REDIC1: variants seen among roughly 807,000 people sequenced by gnomAD.
REDIC1 encodes the protein HEI10 Interacting Protein 1.
At chr12:39,750,631 T>C in the REDIC1 span, among the ~76,000 whole-genome samples, 1 of 152,186 alleles carries the variant, frequency 6.6e-6, no homozygotes, top group Non-Finnish European at 1.5e-5. Flanking sequence ...AGAACAAAGC[T>C]GGAGGCATCA....
chr12:39,714,843 C>T, the REDIC1 span, among the ~76,000 whole-genome samples: 5 of 151,660 alleles, frequency 3.3e-5, no homozygotes, highest in Non-Finnish European at 5.9e-5. Flanking sequence ...CATGTGTTTG[C>T]TGGCCATTGG....
the REDIC1 span, chr12:39,764,967 C>T: frequency 3.2e-5 from 40 of 1,252,740 alleles, no homozygotes; most frequent in Non-Finnish European, 4.3e-5. Context: ...TCTTAAGAGT[C>T]CAAAATGTTT....
chr12:39,848,925 A>G, the REDIC1 span, among the ~76,000 whole-genome samples: 2 of 152,190 alleles, frequency 1.3e-5, no homozygotes, highest in African/African-American at 2.4e-5. Context: ...ACAGGAACAG[A>G]AAACCAAATA....
chr12:39,718,700 C>G, the REDIC1 span, among the ~76,000 whole-genome samples: 3 of 151,928 alleles, frequency 2.0e-5, no homozygotes, highest in Admixed American at 2.0e-4. Flanking sequence ...GCACTTTTGT[C>G]TCCATTAAAA....
chr12:39,635,893 A>G, the REDIC1 span, among the ~76,000 whole-genome samples: 1 of 152,150 alleles, frequency 6.6e-6, no homozygotes, highest in African/African-American at 2.4e-5. Flanking sequence ...ACTATCAGGA[A>G]TGTTTGTGTG....
the REDIC1 span, among the ~76,000 whole-genome samples, chr12:39,661,529 G>C: frequency 6.6e-6 from 1 of 151,794 alleles, no homozygotes; most frequent in African/African-American, 2.4e-5. Context: ...AGTCATTTGA[G>C]TTTCTTGTAT....
chr12:39,636,907 T>A, the REDIC1 span, among the ~76,000 whole-genome samples: 1 of 152,054 alleles, frequency 6.6e-6, no homozygotes, highest in African/African-American at 2.4e-5. Context: ...GGTAACTTTA[T>A]TGCATTTGTG....
chr12:39,760,344 T>G, the REDIC1 span: 1 of 1,176,252 alleles, frequency 8.5e-7, no homozygotes, highest in Non-Finnish European at 1.2e-6. Context: ...TTTTTTCTGG[T>G]CAGTCATGCA....
the REDIC1 span, among the ~76,000 whole-genome samples, chr12:39,812,629 C>T: frequency 4.0e-5 from 6 of 151,260 alleles, no homozygotes; most frequent in African/African-American, 7.3e-5. Flanking sequence ...CCCACGGCTA[C>T]GCCCGGCTGA....
chr12:39,683,481 C>G, the REDIC1 span: 3 of 1,586,030 alleles, frequency 1.9e-6, no homozygotes, highest in Non-Finnish European at 2.6e-6. Context: ...CCAGCAAACT[C>G]TATGTAAGTT....
chr12:39,703,160 G>C, the REDIC1 span, among the ~76,000 whole-genome samples: 3 of 152,182 alleles, frequency 2.0e-5, no homozygotes, highest in Admixed American at 6.5e-5. Context: ...GTTTGCAGAT[G>C]ACATGACTGC....
chr12:39,722,090 T>A, the REDIC1 span, among the ~76,000 whole-genome samples: 2 of 152,118 alleles, frequency 1.3e-5, no homozygotes, highest in African/African-American at 4.8e-5. Flanking sequence ...CATTCTAGTA[T>A]CTAACTGAAC....
At chr12:39,753,994 T>C in the REDIC1 span, among the ~76,000 whole-genome samples, 1 of 152,140 alleles carries the variant, frequency 6.6e-6, no homozygotes, top group African/African-American at 2.4e-5. Flanking sequence ...AGTCTCTAAA[T>C]GAAGATTTTT....
At chr12:39,730,171 A>G in the REDIC1 span, among the ~76,000 whole-genome samples, 1 of 152,126 alleles carries the variant, frequency 6.6e-6, no homozygotes, top group African/African-American at 2.4e-5. Context: ...TAAGGTTAAT[A>G]TTGTTATGTG....
At chr12:39,871,862 T>G in the REDIC1 span, 1 of 1,612,652 alleles carries the variant, frequency 6.2e-7, no homozygotes, top group Non-Finnish European at 8.5e-7. Context: ...CTCCCACAAG[T>G]GTGAAAATGA....
At chr12:39,674,257 T>C in the REDIC1 span, among the ~76,000 whole-genome samples, 1 of 152,218 alleles carries the variant, frequency 6.6e-6, no homozygotes, top group Non-Finnish European at 1.5e-5. Context: ...CTTCCTCTTT[T>C]ATACTGTAAA....
At chr12:39,787,170 C>A in the REDIC1 span, among the ~76,000 whole-genome samples, 1 of 152,134 alleles carries the variant, frequency 6.6e-6, no homozygotes, top group African/African-American at 2.4e-5. Context: ...GGTTAACACA[C>A]AAGCCTTGCA....
chr12:39,716,701 A>C, the REDIC1 span: 4 of 1,267,764 alleles, frequency 3.2e-6, no homozygotes, highest in South Asian at 4.1e-5. Context: ...TGGCATATGT[A>C]TGTTGTAGAT....
chr12:39,720,656 AC>A, the REDIC1 span: 2 of 738,926 alleles, frequency 2.7e-6, no homozygotes, highest in Admixed American at 2.9e-5. Flanking sequence ...TTGATTTGTA[AC>A]TTGCCAAACT....
Sources: allele counts gnomAD v4.1 joint callset (sites outside exome capture counted in the v4.1 genomes callset), GRCh38; gene constraint gnomAD v4.1.1; transcripts MANE v1.5; gene names NCBI Gene and HGNC (gene_info 2026-07-23, HGNC 2026-07-21).